Variants in SEC23B observed in about 807,000 individuals in gnomAD.
SEC23B encodes SEC23 homolog B, COPII component.
Under a neutral mutation model 104.3 loss-of-function variants are expected in SEC23B, and 77 were observed. The observed-to-expected ratio is 0.74, with a 90% CI of 0.61 to 0.89. The LOEUF is 0.89. Among genes scored for constraint, SEC23B ranks in the 40% least tolerant of loss-of-function variants. The pLI is 0.00. For synonymous variants in SEC23B, 338 were observed against 332.5 expected (o/e 1.02, Z -0.18); for missense variants, 885 against 949.4 (o/e 0.93, Z 0.89).
At chr20:18,515,855 C>G (rs2060020099) in intron 4 of SEC23B, 119 bp downstream of exon 4, 2 of 727,426 alleles carry the variant, frequency 2.7e-6, no homozygotes, top group Admixed American at 4.0e-5. Flanking sequence ...GCAGCAGGAT[C>G]CTAACCTTTA....
At chr20:18,536,125 C>T (rs1332919668) in intron 12 of SEC23B, among the ~76,000 whole-genome samples, 1 of 152,096 alleles carries the variant, frequency 6.6e-6, no homozygotes, top group East Asian at 1.9e-4. Context: ...AACCCATCAA[C>T]TTGATTCTGT....
rs150712716 is a variant in SEC23B, at chr20:18,541,037, G to A, written c.1405-1259G>A. On this transcript the variant is annotated intron_variant, in intron 12 of 19. Coordinates refer to ENST00000650089, the MANE Select transcript of SEC23B (RefSeq NM_006363.6). Reference sequence around the variant, plus strand: ...GCCACCACCTTCATCAGTGATCTTAGCTAATCTGAATAACTTGCAGCAGTT... The same window carrying A: ...GCCACCACCTTCATCAGTGATCTTAACTAATCTGAATAACTTGCAGCAGTT... 2.2e-4 allele frequency among the ~76,000 whole-genome samples: 33 copies of A among 152,350 alleles called. No homozygotes were observed. In the East Asian group the frequency reaches 5.8e-3, roughly 27 times the overall value.
intron 12 of SEC23B, among the ~76,000 whole-genome samples, chr20:18,539,761 C>T (rs2060271608): frequency 6.6e-6 from 1 of 151,534 alleles, no homozygotes; most frequent in Non-Finnish European, 1.5e-5. Flanking sequence ...TCTGCTGCCT[C>T]AGCCTCCCGA....
At chr20:18,559,143 C>T (rs1404779784) in intron 19 of SEC23B, among the ~76,000 whole-genome samples, 3 of 151,806 alleles carry the variant, frequency 2.0e-5, no homozygotes, top group African/African-American at 7.3e-5. Context: ...CCAGGTTTTC[C>T]ACTGGCCTCT....
rs1365121503 is a variant in SEC23B, at chr20:18,524,434, G to C, written c.368G>C (p.Arg123Pro). 2 of 1,612,086 alleles carry C rather than the reference G, an allele frequency of 1.2e-6. No homozygotes were observed. Among genetic ancestry groups the C allele is most frequent in the Admixed American group, 3.3e-5 (2 of 59,980 alleles). Residue 123 changes from arginine (R) to proline (P), a missense_variant and splice_region_variant, in exon 5 of 20, where the codon CGA becomes CCA. Arg to Pro is a moderately radical substitution (Grantham distance 103). Coordinates refer to ENST00000650089, the MANE Select transcript of SEC23B (RefSeq NM_006363.6). ...TATGCTGTTTTTCTTTGCCCAAAGC[G>C]AGGTGCTCAGTCCCCTCTGATCTTT... ...QFSTIEYVIQRGAQSPLIFLY... is the reference protein window; with the variant it reads ...QFSTIEYVIQPGAQSPLIFLY...
At chr20:18,526,256 A>G (rs1160078569) in intron 7 of SEC23B, 117 bp from the exon 8 acceptor site, 1 of 1,179,580 alleles carries the variant, frequency 8.5e-7, no homozygotes, top group African/African-American at 1.5e-5. Flanking sequence ...CTGCATTATC[A>G]CCACTTTTTA....
intron 5 of SEC23B, 124 bp downstream of exon 5, chr20:18,524,793 AGCCATTG>A: frequency 8.3e-7 from 1 of 1,204,416 alleles, no homozygotes. Context: ...CAATGGCTCA[AGCCATTG>A]GCCCACCTCA....
At chr20:18,514,078 T>C (rs1012610006) in intron 3 of SEC23B, among the ~76,000 whole-genome samples, 1 of 152,200 alleles carries the variant, frequency 6.6e-6, no homozygotes, top group African/African-American at 2.4e-5. Context: ...TATTTGGTAT[T>C]ATTATGCTTA....
chr20:18,516,676 C>T (rs933258794), intron 4 of SEC23B, among the ~76,000 whole-genome samples: 75 of 151,790 alleles, frequency 4.9e-4, no homozygotes, highest in African/African-American at 1.7e-3. Context: ...CTCAGCCTCC[C>T]GAGTAGCTGG....
chr20:18,535,980 A>G (rs1266895952), intron 12 of SEC23B, among the ~76,000 whole-genome samples: 1 of 152,212 alleles, frequency 6.6e-6, no homozygotes, highest in Admixed American at 6.5e-5. Context: ...TAGAAGTGTA[A>G]TAGATTTTAC....
intron 6 of SEC23B, 130 bp downstream of exon 6, chr20:18,525,150 A>C: frequency 2.2e-6 from 2 of 920,766 alleles, no homozygotes; most frequent in South Asian, 1.5e-5. Flanking sequence ...ATTAAGCCTA[A>C]TCAATATTCA....
intron 4 of SEC23B, among the ~76,000 whole-genome samples, chr20:18,518,582 G>GTTTGTTTTTT (rs1419813616): frequency 1.1e-5 from 1 of 92,658 alleles, no homozygotes; most frequent in African/African-American, 4.2e-5. Context: ...CTGGAAGGAG[G>GTTTGTTTTTT]TTTTTTTTTT....
At position 18,515,708 on chromosome 20, in the gene SEC23B, A is replaced by C. The variant is rs770862419; in HGVS notation, c.338A>C (p.Gln113Pro). 9 of 1,608,360 alleles carry C rather than the reference A, an allele frequency of 5.6e-6. No individual in the cohort carries two copies. Among genetic ancestry groups the C allele is most frequent in the South Asian group, 1.1e-5 (1 of 90,952 alleles). The change falls in exon 4 of 20, where the codon CAG (glutamine) becomes CCG (proline). Residue 113 changes from glutamine (Q) to proline (P), a missense_variant. Gln to Pro is a moderately conservative substitution (Grantham distance 76, BLOSUM62 -1). Coordinates refer to ENST00000650089, the MANE Select transcript of SEC23B (RefSeq NM_006363.6). ...EVNQPAELMP[Q>P]FSTIEYVIQR... ...AATCAACCTGCCGAATTGATGCCCC[A>C]GTTTTCTACAATTGAGTACGTGATA...
At chr20:18,522,698 A>AG (rs36106351) in intron 4 of SEC23B, among the ~76,000 whole-genome samples, 103,165 of 151,588 alleles carry the variant, frequency 0.68, 36,538 homozygotes, top group Non-Finnish European at 0.8. Context: ...GTGAGCAACA[A>AG]GCTGTTATTT....
At chr20:18,555,803 C>A (rs1479996384) in intron 19 of SEC23B, among the ~76,000 whole-genome samples, 1 of 151,940 alleles carries the variant, frequency 6.6e-6, no homozygotes, top group African/African-American at 2.4e-5. Flanking sequence ...GTATCACAAC[C>A]GGGATATTGA....
intron 1 of SEC23B, among the ~76,000 whole-genome samples, chr20:18,510,528 G>T (rs2059972100): frequency 6.6e-6 from 1 of 152,220 alleles, no homozygotes; most frequent in Admixed American, 6.5e-5. Flanking sequence ...ACTTTGGAAG[G>T]CCAAGGCGGG....
intron 15 of SEC23B, among the ~76,000 whole-genome samples, chr20:18,548,327 T>C (rs1368954413): frequency 6.6e-6 from 1 of 152,246 alleles, no homozygotes; most frequent in Non-Finnish European, 1.5e-5. Flanking sequence ...TTAACCATTT[T>C]TAAGCATACC....
chr20:18,543,239 C>A, intron 14 of SEC23B, 67 bp downstream of exon 14: 1 of 1,587,236 alleles, frequency 6.3e-7, no homozygotes, highest in South Asian at 1.1e-5. Context: ...AGAAAATTGT[C>A]ACTTAATTAT....
At chr20:18,556,485 G>GT (rs1568626717) in intron 19 of SEC23B, among the ~76,000 whole-genome samples, 1 of 152,118 alleles carries the variant, frequency 6.6e-6, no homozygotes, top group African/African-American at 2.4e-5. Flanking sequence ...ACTCTTAGGA[G>GT]TTTTTTTGTA....
Sources: allele counts gnomAD v4.1 joint callset (sites outside exome capture counted in the v4.1 genomes callset), GRCh38; gene constraint gnomAD v4.1.1; transcripts MANE v1.5; gene names NCBI Gene and HGNC (gene_info 2026-07-23, HGNC 2026-07-21).